RAB22A: variants seen among roughly 807,000 people sequenced by gnomAD.
RAB22A encodes the protein RAB22A, member RAS oncogene family.
RAB22A carries 13 observed loss-of-function variants against 30.2 expected under a neutral mutation model. The ratio of observed to expected loss-of-function variants is 0.43; its 90% CI spans 0.28 to 0.68. RAB22A has a LOEUF of 0.68. Ranked by LOEUF, RAB22A falls within the 30% of genes least tolerant of loss-of-function variation. The probability of loss-of-function intolerance (pLI) is 0.18; values close to 1 mark genes in which losing one functional copy is unlikely to be tolerated. For missense variants in RAB22A, 177 were observed against 246.8 expected, an observed-to-expected ratio of 0.72 and a Z score of 1.89; for synonymous variants, 89 against 87.2, an observed-to-expected ratio of 1.02 and a Z score of -0.11.
At chr20:58,334,902 A>G (rs956290871) in intron 2 of RAB22A, among the ~76,000 whole-genome samples, 1 of 152,196 alleles carries the variant, frequency 6.6e-6, no homozygotes, top group Non-Finnish European at 1.5e-5. Flanking sequence ...AATTTCTAAT[A>G]AAAGTATAAA....
chr20:58,353,777 A>G (rs1471208882), intron 5 of RAB22A, among the ~76,000 whole-genome samples: 1 of 152,248 alleles, frequency 6.6e-6, no homozygotes, highest in African/African-American at 2.4e-5. Flanking sequence ...GTTGCATCCA[A>G]CATTATCTGA....
At chr20:58,316,377 C>T (rs545440376) in intron 2 of RAB22A, among the ~76,000 whole-genome samples, 1 of 152,144 alleles carries the variant, frequency 6.6e-6, no homozygotes, top group Non-Finnish European at 1.5e-5. Flanking sequence ...TAGACTCCTG[C>T]CCATTTGCAT....
In RAB22A at chr20:58,362,570, C is replaced by A. The variant is rs930323439; in HGVS notation, c.*2867C>A. The A allele has an allele frequency of 1.3e-5, 2 of 152,144 alleles. No homozygotes were observed. Among genetic ancestry groups the A allele is most frequent in the Admixed American group, 1.3e-4 (2 of 15,278 alleles). The allele number at this position is 152,144 out of a possible 1,614,324, so 9.4% of individuals were successfully genotyped here. On this transcript the variant is annotated 3_prime_UTR_variant, in exon 7 of 7. Coordinates refer to ENST00000244040, the MANE Select transcript of RAB22A (RefSeq NM_020673.3). ...GAAATTGAAATAAGCTCTTTGCAGG[C>A]GTCCAATCCTAGAAACCAATGGTCT...
intron 2 of RAB22A, among the ~76,000 whole-genome samples, chr20:58,334,993 T>G (rs759942963): frequency 1.3e-5 from 2 of 152,222 alleles, no homozygotes; most frequent in African/African-American, 2.4e-5. Context: ...TTGTTCATTA[T>G]AGCCAAAAAC....
At chr20:58,348,972 A>G (rs980298799) in intron 3 of RAB22A, among the ~76,000 whole-genome samples, 1 of 152,216 alleles carries the variant, frequency 6.6e-6, no homozygotes, top group African/African-American at 2.4e-5. Flanking sequence ...TATGTGACCC[A>G]TAAAGCCAAA....
At chr20:58,354,720 C>T (rs1416658374) in intron 6 of RAB22A, among the ~76,000 whole-genome samples, 1 of 152,132 alleles carries the variant, frequency 6.6e-6, no homozygotes. Flanking sequence ...TATGATGATA[C>T]TCGATGGGAG....
At chr20:58,336,211 C>G (rs561380513) in intron 2 of RAB22A, among the ~76,000 whole-genome samples, 2 of 152,268 alleles carry the variant, frequency 1.3e-5, no homozygotes, top group East Asian at 3.9e-4. Context: ...GGGGTTTCAC[C>G]ATGTTGGCCA....
chr20:58,342,801 C>T (rs1257032505), intron 2 of RAB22A, among the ~76,000 whole-genome samples: 2 of 152,056 alleles, frequency 1.3e-5, no homozygotes, highest in African/African-American at 4.8e-5. Flanking sequence ...AGGCTGCCCT[C>T]TGGGTGAGGG....
At chr20:58,351,317 C>T (rs964737901) in intron 3 of RAB22A, among the ~76,000 whole-genome samples, 19 of 148,954 alleles carry the variant, frequency 1.3e-4, no homozygotes, top group African/African-American at 4.7e-4. Flanking sequence ...GCCTGGGTGA[C>T]AGAGCGAGAC....
At chr20:58,339,842 CAACAGGTGAAGACCTG>C (rs1040857825) in intron 2 of RAB22A, among the ~76,000 whole-genome samples, 5 of 152,116 alleles carry the variant, frequency 3.3e-5, no homozygotes, top group African/African-American at 1.2e-4. Context: ...GTGCTGTTCT[CAACAGGTGAAGACCTG>C]ACCGTAGGAA....
At position 58,359,932 on chromosome 20, in the gene RAB22A, G is replaced by A; in HGVS notation, c.*229G>A. ...CTCTAGTGTACAAAGGGACTACATC[G>A]TTGGCTTTTGACCTTGCTGAAAAGG... is the stretch of plus-strand genomic sequence containing the variant. On this transcript the variant is annotated 3_prime_UTR_variant, in exon 7 of 7. Transcript: ENST00000244040. 3 of 270,886 alleles carry A rather than the reference G, an allele frequency of 1.1e-5. No homozygotes were observed. The highest frequency in any genetic ancestry group is 1.4e-5 in the Non-Finnish European group (2 of 143,816). 16.8% of individuals were successfully genotyped at this position (270,886 alleles called of 1,614,324 possible). A position where few individuals can be genotyped will look rare whatever the true frequency, so the allele number is the denominator to read the frequency against.
rs1408428446 is a variant in RAB22A at position 58,361,242 on chromosome 20, A to G, written c.*1539A>G. On this transcript the variant is annotated 3_prime_UTR_variant, in exon 7 of 7. Coordinates refer to ENST00000244040, the MANE Select transcript of RAB22A (RefSeq NM_020673.3). ...TGAAACAGCTTGAATTTCAAACTAAATTGTATTTTCAGAGCTATCCTGAAA... is the reference window on the plus strand; with the variant it reads ...TGAAACAGCTTGAATTTCAAACTAAGTTGTATTTTCAGAGCTATCCTGAAA... 3 of 152,766 alleles carry G rather than the reference A, an allele frequency of 2.0e-5. No individual in the cohort carries two copies. The highest frequency in any genetic ancestry group is 1.9e-4 in the East Asian group (1 of 5,190). 9.5% of individuals were successfully genotyped at this position (152,766 alleles called of 1,614,324 possible).
In RAB22A at chr20:58,359,776, G is replaced by C; in HGVS notation, c.*73G>C. On this transcript the variant is annotated 3_prime_UTR_variant, in exon 7 of 7. Coordinates refer to ENST00000244040, the MANE Select transcript of RAB22A (RefSeq NM_020673.3). ...AGTTAACAGGAGGGCTGGGGTCCCT[G>C]CCACCAGTTTTCACCTAGCCAGTCT... 7.2e-7 allele frequency: 1 copy of C among 1,392,484 alleles called. No individual in the cohort carries two copies. Among genetic ancestry groups the C allele is most frequent in the Non-Finnish European group, 1.0e-6 (1 of 999,716 alleles). The allele number at this position is 1,392,484 out of a possible 1,614,324, so 86.3% of individuals were successfully genotyped here.
chr20:58,316,138 G>A (rs910743797), intron 2 of RAB22A, among the ~76,000 whole-genome samples: 5 of 152,106 alleles, frequency 3.3e-5, no homozygotes, highest in African/African-American at 1.2e-4. Flanking sequence ...CATGTTAGTG[G>A]CTCTAAAAGT....
chr20:58,316,937 G>A (rs1216616754), intron 2 of RAB22A, among the ~76,000 whole-genome samples: 7 of 152,034 alleles, frequency 4.6e-5, no homozygotes, highest in African/African-American at 7.2e-5. Context: ...TAAGTCACTC[G>A]CTCCTGTCCA....
At chr20:58,333,276 CATAA>C (rs58194504) in intron 2 of RAB22A, among the ~76,000 whole-genome samples, 226 of 143,746 alleles carry the variant, frequency 1.6e-3, no homozygotes, top group East Asian at 0.015. Flanking sequence ...GAGACTCCAT[CATAA>C]ATAAATAAAT....
chr20:58,353,149 A>G, intron 3 of RAB22A, 124 bp from the exon 4 acceptor site: 1 of 859,856 alleles, frequency 1.2e-6, no homozygotes, highest in Non-Finnish European at 1.8e-6. Context: ...TTAAAGCAGC[A>G]TGTCATTTTC....
At chr20:58,311,187 G>A in intron 2 of RAB22A, 65 bp downstream of exon 2, 1 of 1,399,700 alleles carries the variant, frequency 7.1e-7, no homozygotes, top group South Asian at 1.2e-5. Flanking sequence ...TACATAGTGT[G>A]TTACAGGTGT....
intron 3 of RAB22A, chr20:58,346,128 A>G (rs1986941693): frequency 2.6e-5 from 4 of 152,548 alleles, no homozygotes; most frequent in Admixed American, 2.6e-4. Flanking sequence ...AAATAGGTTC[A>G]CTTCTCCATC....
Sources: gnomAD v4.1 joint callset for allele counts (sites outside exome capture counted in the v4.1 genomes callset) on GRCh38, gnomAD v4.1.1 for gene constraint, MANE v1.5 for transcripts, NCBI Gene and HGNC (gene_info 2026-07-23, HGNC 2026-07-21) for gene names.